ENTREP2: variants seen among roughly 807,000 people sequenced by gnomAD.
ENTREP2 encodes the protein protein ENTREP2.
At chr15:29,332,273 A>T in the ENTREP2 span, among the ~76,000 whole-genome samples, 1 of 152,228 alleles carries the variant, frequency 6.6e-6, no homozygotes, top group African/African-American at 2.4e-5. Context: ...AGATGAAATC[A>T]TCGTGACCCC....
At chr15:29,314,392 C>A in the ENTREP2 span, among the ~76,000 whole-genome samples, 5 of 152,176 alleles carry the variant, frequency 3.3e-5, no homozygotes, top group Non-Finnish European at 1.5e-5. Context: ...GCCACAGCCA[C>A]CCCAACCTTC....
the ENTREP2 span, among the ~76,000 whole-genome samples, chr15:29,661,625 T>C: frequency 1.3e-4 from 20 of 152,308 alleles, no homozygotes; most frequent in African/African-American, 4.1e-4. Flanking sequence ...TAACATTAGG[T>C]TGACTGTTAC....
chr15:29,334,324 G>C, the ENTREP2 span, among the ~76,000 whole-genome samples: 1 of 152,164 alleles, frequency 6.6e-6, no homozygotes, highest in Non-Finnish European at 1.5e-5. Context: ...TTCCATCGGA[G>C]ACTACGCGAC....
the ENTREP2 span, among the ~76,000 whole-genome samples, chr15:29,377,823 A>AAATTAAT: frequency 8.8e-6 from 1 of 113,018 alleles, no homozygotes; most frequent in Admixed American, 9.0e-5. Flanking sequence ...TCTGTCTCAA[A>AAATTAAT]AATAATAATA....
chr15:29,489,059 G>A, the ENTREP2 span, among the ~76,000 whole-genome samples: 13 of 152,056 alleles, frequency 8.5e-5, no homozygotes, highest in Non-Finnish European at 1.5e-4. Flanking sequence ...GTTACACAAC[G>A]GTGTGAATGT....
the ENTREP2 span, chr15:29,252,500 A>AGGTCATAGG: frequency 7.0e-7 from 1 of 1,438,414 alleles, no homozygotes; most frequent in South Asian, 1.3e-5. Flanking sequence ...CCAAACATAA[A>AGGTCATAGG]ATTGATTATT....
the ENTREP2 span, among the ~76,000 whole-genome samples, chr15:29,447,927 G>A: frequency 3.9e-5 from 6 of 151,970 alleles, no homozygotes; most frequent in Admixed American, 2.6e-4. Flanking sequence ...TTAGCTGGGC[G>A]TGGTGGCAAG....
chr15:29,400,374 T>A, the ENTREP2 span, among the ~76,000 whole-genome samples: 1 of 152,170 alleles, frequency 6.6e-6, no homozygotes, highest in African/African-American at 2.4e-5. Context: ...TATCAAGGAA[T>A]CCTTAAACAT....
the ENTREP2 span, among the ~76,000 whole-genome samples, chr15:29,262,897 A>G: frequency 6.6e-5 from 10 of 152,116 alleles, no homozygotes; most frequent in Admixed American, 5.9e-4. Flanking sequence ...GAATTGGAGG[A>G]CACCCAGCTG....
the ENTREP2 span, among the ~76,000 whole-genome samples, chr15:29,163,454 T>C: frequency 6.6e-6 from 1 of 151,306 alleles, no homozygotes; most frequent in Non-Finnish European, 1.5e-5. Flanking sequence ...AGAAAATAGA[T>C]AGCTTAAAGA....
At chr15:29,567,791 C>T in the ENTREP2 span, among the ~76,000 whole-genome samples, 2 of 152,114 alleles carry the variant, frequency 1.3e-5, no homozygotes, top group African/African-American at 4.8e-5. Context: ...TTCTTAAATC[C>T]AGGAGAGTTG....
the ENTREP2 span, among the ~76,000 whole-genome samples, chr15:29,217,637 C>T: frequency 2.0e-5 from 3 of 152,066 alleles, no homozygotes; most frequent in Non-Finnish European, 2.9e-5. Context: ...TGTCTATTTC[C>T]ATGAATATTT....
the ENTREP2 span, among the ~76,000 whole-genome samples, chr15:29,587,653 G>A: frequency 6.6e-6 from 1 of 152,020 alleles, no homozygotes; most frequent in African/African-American, 2.4e-5. Context: ...TAGTAGATGA[G>A]AGGAAGTGTC....
At chr15:29,653,613 TGAA>T in the ENTREP2 span, among the ~76,000 whole-genome samples, 1 of 152,224 alleles carries the variant, frequency 6.6e-6, no homozygotes, top group Admixed American at 6.5e-5. Flanking sequence ...TGCCACTTTG[TGAA>T]GAAGGTGCCT....
At chr15:29,475,073 C>T in the ENTREP2 span, among the ~76,000 whole-genome samples, 1 of 151,998 alleles carries the variant, frequency 6.6e-6, no homozygotes, top group Non-Finnish European at 1.5e-5. Context: ...CCATAAAAAG[C>T]ACATGTTCAC....
chr15:29,361,515 A>G, the ENTREP2 span, among the ~76,000 whole-genome samples: 1 of 152,168 alleles, frequency 6.6e-6, no homozygotes, highest in South Asian at 2.1e-4. Context: ...TATCTTTAAC[A>G]TTTTATTGAT....
the ENTREP2 span, among the ~76,000 whole-genome samples, chr15:29,571,986 A>G: frequency 1.3e-5 from 2 of 152,182 alleles, no homozygotes; most frequent in South Asian, 4.1e-4. Context: ...AGCAGACCTT[A>G]CTGTTGGATG....
the ENTREP2 span, chr15:29,126,602 G>A: frequency 1.8e-5 from 16 of 886,256 alleles, no homozygotes; most frequent in African/African-American, 3.4e-5. Flanking sequence ...CCCTGGGGGT[G>A]CGGAAACACT....
the ENTREP2 span, among the ~76,000 whole-genome samples, chr15:29,327,194 C>A: frequency 6.6e-6 from 1 of 151,988 alleles, no homozygotes; most frequent in African/African-American, 2.4e-5. Context: ...AAGTCACAGA[C>A]TGAAAGAAAA....
Sources: allele counts gnomAD v4.1 joint callset (sites outside exome capture counted in the v4.1 genomes callset), GRCh38; gene constraint gnomAD v4.1.1; transcripts MANE v1.5; gene names NCBI Gene and HGNC (gene_info 2026-07-23, HGNC 2026-07-21).